The following CASKIN2 variants were observed in gnomAD, a reference collection of about 807,000 sequenced individuals.
The protein encoded by CASKIN2 is caskin-2.
A neutral mutation model predicts 107.1 loss-of-function variants in CASKIN2; 41 were observed. The observed-to-expected ratio is 0.38, with a 90% CI of 0.30 to 0.50. The LOEUF (loss-of-function observed/expected upper bound fraction) is 0.50, where lower values mean the gene tolerates loss of function less well. CASKIN2 is among the 20% of genes least tolerant of loss of function. The pLI, the probability that CASKIN2 is intolerant of heterozygous loss-of-function variation, is 0.92. For missense variants in CASKIN2, 1,546 were observed against 1,657.4 expected, an observed-to-expected ratio of 0.93 and a Z score of 1.17; for synonymous variants, 724 against 705.6, an observed-to-expected ratio of 1.03 and a Z score of -0.41.
chr17:75,503,912 G>T lies in CASKIN2; in HGVS notation c.1518C>A (p.Tyr506Ter). 6.2e-7 allele frequency: 1 copy of T among 1,612,850 alleles called. No homozygotes were observed. The highest frequency in any genetic ancestry group is 8.5e-7 in the Non-Finnish European group (1 of 1,179,944). ...NWLSEFQLEG[Y>*]TAHFLQAGYD... ...AGCCGGCCTGCAGAAAGTGGGCAGT[G>T]TAGCCCTCCAGCTGGAACTCGCTTA... Residue 506 changes from tyrosine to a stop codon, truncating the protein, a stop_gained, in exon 15 of 20, where the codon TAC (tyrosine) becomes TAA (stop). Coordinates refer to ENST00000321617, the MANE Select transcript of CASKIN2 (RefSeq NM_020753.5). LOFTEE classifies it high-confidence loss of function.
rs1390204405 is a variant in CASKIN2, at chr17:75,513,725, T to A, written c.80A>T (p.Lys27Met). The stretch of plus-strand genomic sequence containing the variant: ...CCGGTACTCACTTGTCTTTGTGGCC[T>A]TGACCTTCGCCACCAGTTTCTGCAC... ...TGVQKLVAKV[K>M]ATKTKLLGST... The change falls in exon 2 of 20, where the codon AAG (lysine) becomes ATG (methionine). Residue 27 changes from lysine (K) to methionine (M), a missense_variant. By Grantham distance (95) the Lys-to-Met change is moderately conservative. Coordinates refer to ENST00000321617, the MANE Select transcript of CASKIN2 (RefSeq NM_020753.5). 4 of 1,612,338 alleles carry A rather than the reference T, an allele frequency of 2.5e-6. No homozygotes were observed. Among genetic ancestry groups the A allele is most frequent in the Non-Finnish European group, 2.5e-6 (3 of 1,179,090 alleles).
In CASKIN2 at chr17:75,514,119, C is replaced by T. The variant is rs940882303; in HGVS notation, c.-315G>A. 39 of 529,496 alleles carry T rather than the reference C, an allele frequency of 7.4e-5. No individual in the cohort carries two copies. Among genetic ancestry groups the T allele is most frequent in the Non-Finnish European group, 1.2e-4 (36 of 299,506 alleles). 32.8% of individuals were successfully genotyped at this position (529,496 alleles called of 1,614,324 possible). A position where few individuals can be genotyped will look rare whatever the true frequency, so the allele number is the denominator to read the frequency against. On this transcript the variant is annotated 5_prime_UTR_variant, in exon 2 of 20. Coordinates refer to ENST00000321617, the MANE Select transcript of CASKIN2 (RefSeq NM_020753.5). ...CTGGGACTGGGCACACCAATCTTCCCGGCTTGGCTGTGGAACACCAGTGCC... is the reference window on the plus strand; with the variant it reads ...CTGGGACTGGGCACACCAATCTTCCTGGCTTGGCTGTGGAACACCAGTGCC...
Position 75,506,392 on chromosome 17 carries a change from G to T in CASKIN2, c.639C>A (p.Ile213=), listed in dbSNP as rs760477873. Residue 213 remains isoleucine (I), a synonymous_variant, in exon 8 of 20, where the codon ATC becomes ATA. Transcript: ENST00000321617. This position sits in a 1 kb window ranked among gnomAD's most constrained non-coding sequence, Gnocchi z 4.8. ...EVIRQLLRAG[I]EINRQTKTGT... is the part of the protein sequence containing the mutation. ...CCGTCTTGGTCTGGCGGTTGATCTC[G>T]ATCCCAGCTCTCAGGAGCTGCCTGC... 1.9e-6 allele frequency: 3 copies of T among 1,610,670 alleles called. No individual in the cohort carries two copies. The highest frequency in any genetic ancestry group is 2.2e-5 in the East Asian group (1 of 44,852).
In CASKIN2 at chr17:75,508,365, C is replaced by T. The variant is rs1403546812; in HGVS notation, c.95-80G>A. On this transcript the variant is annotated intron_variant, in intron 2 of 19. Coordinates refer to ENST00000321617, the MANE Select transcript of CASKIN2 (RefSeq NM_020753.5). ...ATCCCTCCCCCCACCTGTCACAGCCCGGCTGACCTCTTGGCGTGCAGGAAA... is the reference window on the plus strand; with the variant it reads ...ATCCCTCCCCCCACCTGTCACAGCCTGGCTGACCTCTTGGCGTGCAGGAAA... 1.6e-5 allele frequency: 24 copies of T among 1,488,226 alleles called. 1 individual carries two copies. Among genetic ancestry groups the T allele is most frequent in the Middle Eastern group, 1.7e-4 (1 of 5,860 alleles). The allele number at this position is 1,488,226 out of a possible 1,614,324, so 92.2% of individuals were successfully genotyped here.
At chr17:75,512,825 G>A (rs1021830482) in intron 2 of CASKIN2, among the ~76,000 whole-genome samples, 2 of 151,176 alleles carry the variant, frequency 1.3e-5, no homozygotes, top group South Asian at 2.1e-4. Flanking sequence ...GCTTGAACCC[G>A]GGAGGCAGAG....
rs200437288 is a variant in CASKIN2 at position 75,504,345 on chromosome 17, G to T, written c.1376-39C>A. 2.3e-4 allele frequency: 370 copies of T among 1,597,530 alleles called. 3 individuals are homozygous for T. The East Asian group carries it at 8.1e-3, about 35-fold the overall frequency. Reference sequence around the variant, plus strand: ...GAAAAATGGAATGGAAAGGTGGCAGGAGGAAGGGGTGCCCACCCTCGGCCT... The same window carrying T: ...GAAAAATGGAATGGAAAGGTGGCAGTAGGAAGGGGTGCCCACCCTCGGCCT... On this transcript the variant is annotated intron_variant, in intron 13 of 19. Transcript: ENST00000321617.
chr17:75,501,562 C>T lies in CASKIN2; in HGVS notation c.3424G>A (p.Gly1142Ser), dbSNP rs759583996. 6.2e-7 allele frequency: 1 copy of T among 1,611,752 alleles called. No individual in the cohort carries two copies. Among genetic ancestry groups the T allele is most frequent in the Non-Finnish European group, 8.5e-7 (1 of 1,179,142 alleles). The part of the protein sequence containing the change: ...RPESTGTVGP[G>S]QAQQRLEQTS... ...TGCTCCAGTCTCTGCTGGGCCTGGCCTGGGCCCACAGTCCCAGTGCTCTCA... is the reference window on the plus strand; with the variant it reads ...TGCTCCAGTCTCTGCTGGGCCTGGCTTGGGCCCACAGTCCCAGTGCTCTCA... Residue 1142 changes from glycine (G) to serine (S), a missense_variant, in exon 19 of 20, where the codon GGC becomes AGC. Transcript: ENST00000321617.
intron 2 of CASKIN2, 76 bp downstream of exon 2, chr17:75,513,635 A>ACCCC: frequency 1.9e-6 from 2 of 1,042,248 alleles, no homozygotes; most frequent in Non-Finnish European, 1.5e-6. Context: ...GATCACAGTG[A>ACCCC]CCCACCCCCA....
rs2053173671 is a variant in CASKIN2 at position 75,501,068 on chromosome 17, C to G, written c.*12G>C. The G allele has an allele frequency of 6.4e-7, 1 of 1,560,556 alleles. No individual in the cohort carries two copies. Among genetic ancestry groups the G allele is most frequent in the Non-Finnish European group, 8.7e-7 (1 of 1,152,336 alleles). ...GGACTTCGGCAGGTCACAGTGGGCA[C>G]TGCTGGAGGGCTCAGTCCAGCATGG... On this transcript the variant is annotated 3_prime_UTR_variant, in exon 20 of 20. Coordinates refer to ENST00000321617, the MANE Select transcript of CASKIN2 (RefSeq NM_020753.5).
rs560843230 is a variant in CASKIN2, at chr17:75,503,243, T to G, written c.1831A>C (p.Lys611Gln). Residue 611 changes from lysine (K) to glutamine (Q), a missense_variant, in exon 18 of 20, where the codon AAG becomes CAG. This residue lies in a region of CASKIN2 where 1,311 missense variants were observed against 1,311.0 expected (regional missense o/e 1.00). Transcript: ENST00000321617. ...AGCCGCTTCACCCCCAGCATGAGCTTCTTCTGATGCCCTGAGATGGGGGAC... is the reference window on the plus strand; with the variant it reads ...AGCCGCTTCACCCCCAGCATGAGCTGCTTCTGATGCCCTGAGATGGGGGAC... The part of the protein sequence containing the change: ...IGVNKLGHQK[K>Q]LMLGVKRLAE... 1.4e-5 allele frequency: 23 copies of G among 1,589,128 alleles called. No individual in the cohort carries two copies. In the East Asian group the frequency reaches 2.2e-4, roughly 16 times the overall value.
chr17:75,505,738 G>T lies in CASKIN2; in HGVS notation c.835+83C>A. ...TCATGCCCTTGACAACCCTCCCCCAGGGACGTCCACTCCCCCTCCACATCC... is the reference window on the plus strand; with the variant it reads ...TCATGCCCTTGACAACCCTCCCCCATGGACGTCCACTCCCCCTCCACATCC... On this transcript the variant is annotated intron_variant, in intron 9 of 19. Coordinates refer to ENST00000321617, the MANE Select transcript of CASKIN2 (RefSeq NM_020753.5). This position sits in a 1 kb window ranked among gnomAD's most constrained non-coding sequence, Gnocchi z 5.1. 1 of 1,555,406 alleles carries T rather than the reference G, an allele frequency of 6.4e-7. No homozygotes were observed. Among genetic ancestry groups the T allele is most frequent in the Non-Finnish European group, 8.8e-7 (1 of 1,133,712 alleles).
At position 75,504,694 on chromosome 17, in the gene CASKIN2, C is replaced by A; in HGVS notation, c.1193-1G>T. 1 of 1,590,698 alleles carries A rather than the reference C, an allele frequency of 6.3e-7. No individual in the cohort carries two copies. Among genetic ancestry groups the A allele is most frequent in the Non-Finnish European group, 8.6e-7 (1 of 1,165,852 alleles). ...CTGCCCACACTATTCCTGTCACCTG[C>A]TGTGGGGGGCAGAAGCCAAGGGGTC... On this transcript the variant is annotated splice_acceptor_variant, in intron 11 of 19. Transcript: ENST00000321617. LOFTEE classifies it high-confidence loss of function.
chr17:75,509,490 G>A (rs1413612678), intron 2 of CASKIN2: 33 of 847,236 alleles, frequency 3.9e-5, no homozygotes, highest in Non-Finnish European at 4.7e-5. Context: ...TACATTGAGG[G>A]CCAAACTGAA....
At chr17:75,513,647 C>T (rs1474336402) in intron 2 of CASKIN2, 64 bp downstream of exon 2, 2 of 1,271,436 alleles carry the variant, frequency 1.6e-6, no homozygotes, top group Non-Finnish European at 2.3e-6. Flanking sequence ...CCACCCCCAC[C>T]CACCAAGCCT....
Position 75,515,446 on chromosome 17 carries a change from TG to T in CASKIN2, c.-451del, listed in dbSNP as rs2147002499. The T allele has an allele frequency of 6.6e-6, 1 of 152,638 alleles. No individual in the cohort carries two copies. The highest frequency in any genetic ancestry group is 1.9e-4 in the East Asian group (1 of 5,182). 9.5% of individuals were successfully genotyped at this position (152,638 alleles called of 1,614,324 possible). The stretch of plus-strand genomic sequence containing the variant: ...GGTCCGGCTGGCCCTGCTCGGTCCC[TG>T]GCACTCAGGACGGTGGCTCCCACTC... On this transcript the variant is annotated 5_prime_UTR_variant, in exon 1 of 20. Transcript: ENST00000321617.
At position 75,502,134 on chromosome 17, in the gene CASKIN2, G is replaced by C. The variant is rs143189233; in HGVS notation, c.2940C>G (p.Leu980=). Residue 980 remains leucine, a synonymous_variant, in exon 18 of 20, where the codon CTC becomes CTG. Coordinates refer to ENST00000321617, the MANE Select transcript of CASKIN2 (RefSeq NM_020753.5). This position sits in a 1 kb window ranked among gnomAD's most constrained non-coding sequence, Gnocchi z 4.3. ...TGTCTGATTCCGTGAGGTTGAAATC[G>C]AGGCCGGGGGGCACGGGTGTCTCTC... ...PPRETPVPPG[L]DFNLTESDTV... is the part of the protein sequence containing the mutation. 1.2e-6 allele frequency: 2 copies of C among 1,604,380 alleles called. No individual in the cohort carries two copies. Among genetic ancestry groups the C allele is most frequent in the Non-Finnish European group, 1.7e-6 (2 of 1,179,800 alleles).
rs1479274878 is a variant in CASKIN2 at position 75,502,138 on chromosome 17, C to A, written c.2936G>T (p.Gly979Val). 1 of 1,603,784 alleles carries A rather than the reference C, an allele frequency of 6.2e-7. No homozygotes were observed. The highest frequency in any genetic ancestry group is 1.3e-5 in the African/African-American group (1 of 74,802). ...PPPRETPVPPGLDFNLTESDT... is the reference protein window; with the variant it reads ...PPPRETPVPPVLDFNLTESDT... ...TGATTCCGTGAGGTTGAAATCGAGG[C>A]CGGGGGGCACGGGTGTCTCTCGGGG... Residue 979 changes from glycine (G) to valine (V), a missense_variant, in exon 18 of 20, where the codon GGC becomes GTC. Physicochemically the swap from Gly to Val is moderately radical, Grantham distance 109. Transcript: ENST00000321617. This position sits in a 1 kb window ranked among gnomAD's most constrained non-coding sequence, Gnocchi z 4.3.
chr17:75,501,489 A>G lies in CASKIN2; in HGVS notation c.3497T>C (p.Ile1166Thr), dbSNP rs990347272. Residue 1166 changes from isoleucine to threonine, a missense_variant, in exon 19 of 20, where the codon ATT (isoleucine) becomes ACT (threonine). Physicochemically the swap from Ile to Thr is moderately conservative, Grantham distance 89. Around this residue, in one of 6 missense-constraint regions of CASKIN2, gnomAD observed 1,311 missense variants for 1,311.0 expected, o/e 1.00. Transcript: ENST00000321617. ...AAALRAAEKS[I>T]GTKEQEGTPS... ...TCACCCCTCTTGCTCCTTGGTGCCA[A>G]TGCTCTTCTCTGCGGCTCTCAGTGC... 10 of 1,610,900 alleles carry G rather than the reference A, an allele frequency of 6.2e-6. No individual in the cohort carries two copies. Among genetic ancestry groups the G allele is most frequent in the Admixed American group, 1.7e-5 (1 of 59,930 alleles).
At position 75,502,201 on chromosome 17, in the gene CASKIN2, A is replaced by G. The variant is rs773333502; in HGVS notation, c.2873T>C (p.Leu958Pro). 1.3e-6 allele frequency: 2 copies of G among 1,597,650 alleles called. No homozygotes were observed. Among genetic ancestry groups the G allele is most frequent in the South Asian group, 1.1e-5 (1 of 90,590 alleles). Residue 958 changes from leucine (L) to proline (P), a missense_variant, in exon 18 of 20, where the codon CTG becomes CCG. By Grantham distance (98) the Leu-to-Pro change is moderately conservative. Around this residue, in one of 6 missense-constraint regions of CASKIN2, gnomAD observed 1,311 missense variants for 1,311.0 expected, o/e 1.00. Transcript: ENST00000321617. This position sits in a 1 kb window ranked among gnomAD's most constrained non-coding sequence, Gnocchi z 4.3. ...EGLPFAEEGN[L>P]TIKQRPKPAG... The stretch of plus-strand genomic sequence containing the variant: ...GGGCTTCGGGCGCTGTTTGATGGTC[A>G]GGTTCCCTTCCTCTGCAAACGGCAG...
Sources: gnomAD v4.1 joint callset for allele counts (sites outside exome capture counted in the v4.1 genomes callset) on GRCh38, gnomAD v4.1.1 for gene constraint, gnomAD v4.1.1 regional missense constraint, Gnocchi (gnomAD v3.1) non-coding constraint, MANE v1.5 for transcripts, NCBI Gene and HGNC (gene_info 2026-07-23, HGNC 2026-07-21) for gene names.